The following ATXN3 variants were observed in gnomAD, a reference collection of about 807,000 sequenced individuals.
The protein encoded by ATXN3 is ataxin-3.
In ATXN3, 28 loss-of-function variants were observed where a neutral mutation model predicts 58.2. That is an observed-to-expected ratio of 0.48 (90% CI 0.36 to 0.66). The LOEUF (loss-of-function observed/expected upper bound fraction) is 0.66. ATXN3 is among the 30% of genes least tolerant of loss of function. ATXN3 has a pLI of 0.00. For missense variants in ATXN3, 321 were observed against 422.1 expected, an observed-to-expected ratio of 0.76 and a Z score of 2.10; for synonymous variants, 113 against 138.5, an observed-to-expected ratio of 0.82 and a Z score of 1.29.
At chr14:92,094,012 C>T (rs1482040461) in intron 3 of ATXN3, among the ~76,000 whole-genome samples, 181 bp from the exon 4 acceptor site, 3 of 149,782 alleles carry the variant, frequency 2.0e-5, no homozygotes, top group East Asian at 2.0e-4. Context: ...GGCACGATCT[C>T]GGCTCGCTGC....
At chr14:92,049,299 G>A (rs913756944) in intron 1 of ATXN3, among the ~76,000 whole-genome samples, 4 of 152,142 alleles carry the variant, frequency 2.6e-5, no homozygotes, top group Admixed American at 6.5e-5. Flanking sequence ...AGGCGTCCCC[G>A]CAATTGACTT....
chr14:92,096,761 G>A lies in ATXN3; in HGVS notation c.102C>T (p.Ser34=). The A allele has an allele frequency of 6.2e-7, 1 of 1,613,558 alleles. No homozygotes were observed. Among genetic ancestry groups the A allele is most frequent in the Non-Finnish European group, 8.5e-7 (1 of 1,179,488 alleles). Residue 34 remains serine, a synonymous_variant, in exon 2 of 11, where the codon TCC becomes TCT. Transcript: ENST00000644486. ...QGEYFSPVEL[S]SIAHQLDEEE... is the part of the protein sequence containing the mutation. The stretch of plus-strand genomic sequence containing the variant: ...CCTCATCCAGCTGATGTGCAATTGA[G>A]GATAATTCCACAGGGCTAAAATATT...
chr14:92,097,081 G>C, intron 1 of ATXN3: 1 of 402,768 alleles, frequency 2.5e-6, no homozygotes, highest in Non-Finnish European at 4.6e-6. Context: ...CTAAATTTTT[G>C]TATTTTTAGT....
Position 92,083,105 on chromosome 14 carries a change from T to C in ATXN3, c.608+21A>G, listed in dbSNP as rs896022787. ...TAATGAAATACTACCATATATTCCATACTGCAGGCCTCATTTTTACCTTTG... is the reference window on the plus strand; with the variant it reads ...TAATGAAATACTACCATATATTCCACACTGCAGGCCTCATTTTTACCTTTG... On this transcript the variant is annotated intron_variant, in intron 7 of 10. Coordinates refer to ENST00000644486, the MANE Select transcript of ATXN3 (RefSeq NM_004993.6). The C allele has an allele frequency of 5.6e-6, 9 of 1,600,274 alleles. No homozygotes were observed. In the African/African-American group the frequency reaches 1.1e-4, roughly 19 times the overall value.
At chr14:92,093,572 C>T in intron 4 of ATXN3, 174 bp downstream of exon 4, 1 of 657,992 alleles carries the variant, frequency 1.5e-6, no homozygotes, top group South Asian at 2.0e-5. Context: ...GCCAGGAAGG[C>T]TACAGGGCAG....
At chr14:92,074,839 T>C (rs922290433) in intron 9 of ATXN3, among the ~76,000 whole-genome samples, 2 of 152,222 alleles carry the variant, frequency 1.3e-5, no homozygotes, top group African/African-American at 2.4e-5. Flanking sequence ...CTCTCCTTGT[T>C]ATAGAACATT....
chr14:92,092,332 A>ATAACCCTCTTTC (rs2064020539), intron 5 of ATXN3, among the ~76,000 whole-genome samples: 1 of 152,198 alleles, frequency 6.6e-6, no homozygotes, highest in African/African-American at 2.4e-5. Flanking sequence ...CTGGTTTTCA[A>ATAACCCTCTTTC]TAACCCTCTT....
chr14:92,105,067 C>T (rs780113339), intron 1 of ATXN3, among the ~76,000 whole-genome samples: 1 of 152,202 alleles, frequency 6.6e-6, no homozygotes, highest in African/African-American at 2.4e-5. Flanking sequence ...CTTCCTCCCC[C>T]ACTGAACATC....
chr14:92,066,090 T>TA (rs112122875), intron 10 of ATXN3, among the ~76,000 whole-genome samples: 17,961 of 143,032 alleles, frequency 0.13, 1,135 homozygotes, highest in African/African-American at 0.17. Context: ...AGTGTAATAC[T>TA]AAAAAAAAAA....
At chr14:92,068,845 C>T (rs2058906486) in intron 10 of ATXN3, among the ~76,000 whole-genome samples, 1 of 152,194 alleles carries the variant, frequency 6.6e-6, no homozygotes. Context: ...CCGCCTCAGC[C>T]TCCCAAAGTG....
chr14:92,101,103 G>A (rs1246412097), intron 1 of ATXN3, among the ~76,000 whole-genome samples: 1 of 152,118 alleles, frequency 6.6e-6, no homozygotes, highest in African/African-American at 2.4e-5. Flanking sequence ...ATTGCTACAG[G>A]AAATATCAAG....
rs893935155 is a variant in ATXN3 at position 92,099,318 on chromosome 14, T to C, written c.25-2480A>G. On this transcript the variant is annotated intron_variant, in intron 1 of 10. Transcript: ENST00000644486. ...CAAAATTCAGCTGGTGAAAAAAATA[T>C]GGGTTATATGTGTATAATGGAATAG... Among the ~76,000 whole-genome samples the C allele has an allele frequency of 2.6e-5, 4 of 152,154 alleles. No individual in the cohort carries two copies. In the East Asian group the frequency reaches 5.8e-4, roughly 22 times the overall value.
chr14:92,101,804 G>A (rs1038825004), intron 1 of ATXN3, among the ~76,000 whole-genome samples: 4 of 152,190 alleles, frequency 2.6e-5, no homozygotes, highest in Admixed American at 1.3e-4. Context: ...GTTGCAGTGA[G>A]CTGAGATTGC....
intron 1 of ATXN3, among the ~76,000 whole-genome samples, chr14:92,049,128 G>T (rs2057439243): frequency 6.6e-6 from 1 of 152,186 alleles, no homozygotes; most frequent in African/African-American, 2.4e-5. Context: ...AGGCTTTTAG[G>T]TTTTAGGTCA....
chr14:92,090,758 T>G (rs952379750), intron 5 of ATXN3, among the ~76,000 whole-genome samples: 2 of 152,136 alleles, frequency 1.3e-5, no homozygotes, highest in East Asian at 3.8e-4. Flanking sequence ...TAGACATTTA[T>G]TTGCAAATTA....
upstream of ATXN3, among the ~76,000 whole-genome samples, chr14:92,051,753 G>A (rs1217130815): frequency 1.2e-5 from 1 of 81,816 alleles, no homozygotes; most frequent in Non-Finnish European, 2.3e-5. Flanking sequence ...TTTGAGATGG[G>A]ATCTCTCTCT....
At chr14:92,046,727 C>T (rs2057429661) in intron 2 of ATXN3, among the ~76,000 whole-genome samples, 3 of 152,062 alleles carry the variant, frequency 2.0e-5, no homozygotes, top group South Asian at 4.1e-4. Flanking sequence ...ACCAGGTATC[C>T]AAAGGCAAAG....
At chr14:92,079,824 G>C (rs1156266758) in intron 9 of ATXN3, among the ~76,000 whole-genome samples, 1 of 152,046 alleles carries the variant, frequency 6.6e-6, no homozygotes, top group Non-Finnish European at 1.5e-5. Flanking sequence ...TGCAACTTCT[G>C]CCTCCCAGAT....
chr14:92,067,222 G>A (rs979115958), intron 10 of ATXN3, among the ~76,000 whole-genome samples: 21 of 152,116 alleles, frequency 1.4e-4, no homozygotes, highest in Non-Finnish European at 2.8e-4. Flanking sequence ...TGTCTGCAGT[G>A]TTCAGAAATC....
Sources: gnomAD v4.1 joint callset for allele counts (sites outside exome capture counted in the v4.1 genomes callset) on GRCh38, gnomAD v4.1.1 for gene constraint, MANE v1.5 for transcripts, NCBI Gene and HGNC (gene_info 2026-07-23, HGNC 2026-07-21) for gene names.